The following CADPS variants were observed in gnomAD, a reference collection of about 807,000 sequenced individuals.
CADPS encodes the protein calcium dependent secretion activator.
Under a neutral mutation model 167.3 loss-of-function variants are expected in CADPS, and 57 were observed. The observed-to-expected ratio is 0.34, with a 90% CI of 0.28 to 0.42. The LOEUF is 0.42. Ranked by LOEUF, CADPS falls within the 20% of genes least tolerant of loss-of-function variation. CADPS has a pLI of 1.00. For synonymous variants in CADPS, 676 were observed against 635.3 expected, an observed-to-expected ratio of 1.06 and a Z score of -0.96; for missense variants, 1,414 against 1,738.1, an observed-to-expected ratio of 0.81 and a Z score of 3.32.
intron 1 of CADPS, among the ~76,000 whole-genome samples, chr3:62,841,520 A>T (rs1016117926): frequency 1.3e-5 from 2 of 152,202 alleles, no homozygotes; most frequent in Non-Finnish European, 2.9e-5. Flanking sequence ...GTTCAAGACC[A>T]GTCTAGGCAA....
intron 1 of CADPS, among the ~76,000 whole-genome samples, chr3:62,771,753 T>C (rs1199514513): frequency 6.6e-6 from 1 of 152,198 alleles, no homozygotes; most frequent in African/African-American, 2.4e-5. Context: ...GCAGCAGCGT[T>C]TGCTAGAACT....
chr3:62,512,871 G>C (rs1337932553), intron 16 of CADPS, 103 bp from the exon 17 acceptor site: 4 of 875,102 alleles, frequency 4.6e-6, no homozygotes, highest in Non-Finnish European at 6.9e-6. Context: ...ACTTATGTGT[G>C]ATACATGATA....
intron 1 of CADPS, among the ~76,000 whole-genome samples, chr3:62,852,178 A>G (rs1379640902): frequency 6.7e-6 from 1 of 150,238 alleles, no homozygotes; most frequent in Non-Finnish European, 1.5e-5. Flanking sequence ...ACATTCTTCT[A>G]AATTTTTTTC....
At chr3:62,513,358 C>T (rs1297302392) in intron 16 of CADPS, among the ~76,000 whole-genome samples, 2 of 151,954 alleles carry the variant, frequency 1.3e-5, no homozygotes, top group Non-Finnish European at 2.9e-5. Context: ...TACACACAAG[C>T]AAAGTAAAAA....
At chr3:62,664,882 G>A (rs2074119090) in intron 3 of CADPS, among the ~76,000 whole-genome samples, 1 of 152,160 alleles carries the variant, frequency 6.6e-6, no homozygotes, top group Non-Finnish European at 1.5e-5. Flanking sequence ...AAGATGAGTA[G>A]GCAAGGTCTA....
Position 62,536,570 on chromosome 3 carries a change from C to T in CADPS, c.1978G>A (p.Ala660Thr), listed in dbSNP as rs2074727155. ...AATTCATCCATGCCATGTTTTTGAGCTCTATCTGCGTCTGTTCATTTATAC... is the reference window on the plus strand; with the variant it reads ...AATTCATCCATGCCATGTTTTTGAGTTCTATCTGCGTCTGTTCATTTATAC... The part of the protein sequence containing the change: ...APISQFYADR[A>T]QKHGMDEFIS... The change falls in exon 12 of 30, where the codon GCT becomes ACT. Residue 660 changes from alanine to threonine, a missense_variant. Ala to Thr is a moderately conservative substitution (Grantham distance 58). Transcript: ENST00000383710. 5 of 1,613,154 alleles carry T rather than the reference C, an allele frequency of 3.1e-6. No individual in the cohort carries two copies. Among genetic ancestry groups the T allele is most frequent in the Non-Finnish European group, 4.2e-6 (5 of 1,179,382 alleles).
chr3:62,826,094 C>T (rs191844230), intron 1 of CADPS, among the ~76,000 whole-genome samples: 1 of 152,154 alleles, frequency 6.6e-6, no homozygotes, highest in South Asian at 2.1e-4. Context: ...TAGCTTTTGC[C>T]TTATCCCAAG....
intron 8 of CADPS, among the ~76,000 whole-genome samples, chr3:62,579,959 A>G (rs833648): frequency 0.96 from 145,867 of 152,232 alleles, 70,177 homozygotes; most frequent in Non-Finnish European, 1. Flanking sequence ...CAGGGGTGAA[A>G]GGTTGAATTC....
At chr3:62,760,102 T>A (rs1298442284) in intron 2 of CADPS, among the ~76,000 whole-genome samples, 2 of 152,140 alleles carry the variant, frequency 1.3e-5, no homozygotes, top group African/African-American at 4.8e-5. Flanking sequence ...CCTTCCTCCA[T>A]GCCCAGGGAG....
intron 1 of CADPS, among the ~76,000 whole-genome samples, chr3:62,869,693 C>T (rs1217483556): frequency 6.6e-6 from 1 of 152,090 alleles, no homozygotes. Flanking sequence ...ACTAGAAGCT[C>T]CCCCAGTTCA....
chr3:62,609,955 G>C, intron 6 of CADPS, among the ~76,000 whole-genome samples: 1 of 152,128 alleles, frequency 6.6e-6, no homozygotes, highest in East Asian at 1.9e-4. Context: ...CGGGAGTGGT[G>C]GTCCGTGCCT....
intron 1 of CADPS, among the ~76,000 whole-genome samples, chr3:62,872,281 T>C (rs1167545381): frequency 6.6e-6 from 1 of 152,202 alleles, no homozygotes; most frequent in Non-Finnish European, 1.5e-5. Flanking sequence ...CTCTCAATCA[T>C]TGCTTATTTT....
chr3:62,758,810 A>C (rs2084644342), intron 2 of CADPS, among the ~76,000 whole-genome samples: 1 of 152,212 alleles, frequency 6.6e-6, no homozygotes, highest in Non-Finnish European at 1.5e-5. Context: ...CTCATCCATC[A>C]GTCCTTCCCT....
chr3:62,485,139 G>T (rs1281415311), intron 21 of CADPS, among the ~76,000 whole-genome samples: 1 of 148,728 alleles, frequency 6.7e-6, no homozygotes, highest in Non-Finnish European at 1.5e-5. Flanking sequence ...TATATAAAAA[G>T]AGTAAGACGT....
intron 3 of CADPS, among the ~76,000 whole-genome samples, chr3:62,714,358 G>A (rs1053128977): frequency 2.0e-5 from 3 of 152,162 alleles, no homozygotes; most frequent in African/African-American, 7.2e-5. Context: ...TACTGTACAT[G>A]TTTCTAATGT....
At chr3:62,853,661 A>T (rs1365980450) in intron 1 of CADPS, among the ~76,000 whole-genome samples, 1 of 151,130 alleles carries the variant, frequency 6.6e-6, no homozygotes, top group Non-Finnish European at 1.5e-5. Context: ...AAAAGAAAGC[A>T]TCTAAAACAT....
intron 1 of CADPS, among the ~76,000 whole-genome samples, chr3:62,838,758 T>C (rs774327111): frequency 7.2e-5 from 11 of 152,220 alleles, no homozygotes; most frequent in African/African-American, 2.7e-4. Context: ...TTAATAATCA[T>C]TATAATCTTG....
chr3:62,491,236 C>A (rs1286292052), intron 21 of CADPS, 103 bp downstream of exon 21: 5 of 1,235,876 alleles, frequency 4.0e-6, no homozygotes, highest in Non-Finnish European at 5.7e-6. Context: ...TTCTCTCTGT[C>A]CACAATAACA....
chr3:62,518,880 T>A (rs934279703), intron 13 of CADPS, among the ~76,000 whole-genome samples: 4 of 152,204 alleles, frequency 2.6e-5, no homozygotes, highest in African/African-American at 7.2e-5. Flanking sequence ...CAGATTTATT[T>A]AAGTGCTCAT....
Sources: gnomAD v4.1 joint callset for allele counts (sites outside exome capture counted in the v4.1 genomes callset) on GRCh38, gnomAD v4.1.1 for gene constraint, MANE v1.5 for transcripts, NCBI Gene and HGNC (gene_info 2026-07-23, HGNC 2026-07-21) for gene names.